Variants in MYO16 observed in about 807,000 individuals in gnomAD.
MYO16 encodes unconventional myosin-XVI.
Under a neutral mutation model 205.3 loss-of-function variants are expected in MYO16, and 94 were observed. The ratio of observed to expected loss-of-function variants is 0.46; its 90% CI spans 0.39 to 0.54. MYO16 has a LOEUF of 0.54. MYO16 is among the 20% of genes least tolerant of loss of function. The pLI is 0.00. For synonymous variants in MYO16, 988 were observed against 954.0 expected, an observed-to-expected ratio of 1.04 and a Z score of -0.66; for missense variants, 2,315 against 2,387.5, an observed-to-expected ratio of 0.97 and a Z score of 0.63.
chr13:108,787,748 G>A (rs1014614488), intron 5 of MYO16, among the ~76,000 whole-genome samples: 60 of 152,348 alleles, frequency 3.9e-4, no homozygotes, highest in African/African-American at 1.4e-3. Context: ...TTAAATACAT[G>A]TTTGCTGGAA....
intron 12 of MYO16, among the ~76,000 whole-genome samples, chr13:108,873,683 A>C (rs1402646452): frequency 2.3e-5 from 3 of 127,780 alleles, no homozygotes; most frequent in Non-Finnish European, 5.2e-5. Context: ...GTCCATGCCA[A>C]CCAACAGGAC....
intron 21 of MYO16, among the ~76,000 whole-genome samples, chr13:109,001,117 C>A (rs1256452467): frequency 6.7e-6 from 1 of 148,658 alleles, no homozygotes; most frequent in Non-Finnish European, 1.5e-5. Flanking sequence ...TTTAAAATAT[C>A]TAAGGAAGCC....
the MYO16 span, among the ~76,000 whole-genome samples, chr13:108,584,983 T>C: frequency 6.6e-6 from 1 of 152,196 alleles, no homozygotes; most frequent in Non-Finnish European, 1.5e-5. Flanking sequence ...AAAAGTGTAA[T>C]TTAGTTATGA....
chr13:108,766,565 A>T (rs975217533), intron 4 of MYO16, among the ~76,000 whole-genome samples: 1 of 152,168 alleles, frequency 6.6e-6, no homozygotes, highest in Non-Finnish European at 1.5e-5. Flanking sequence ...GACCCTTATA[A>T]AATCGCCTTC....
intron 16 of MYO16, among the ~76,000 whole-genome samples, chr13:108,919,495 C>T (rs1881647028): frequency 6.6e-6 from 1 of 152,238 alleles, no homozygotes; most frequent in East Asian, 1.9e-4. Flanking sequence ...TTGTCGTTAA[C>T]CGGTTCTTTG....
At chr13:108,884,730 G>A (rs575532465) in intron 13 of MYO16, among the ~76,000 whole-genome samples, 6 of 151,822 alleles carry the variant, frequency 4.0e-5, no homozygotes, top group East Asian at 2.0e-4. Flanking sequence ...TCTGAGACAC[G>A]GGCTCTCACC....
Position 109,207,261 on chromosome 13 carries a change from A to G in MYO16, c.*425A>G, listed in dbSNP as rs1033730063. On this transcript the variant is annotated 3_prime_UTR_variant, in exon 35 of 35. Transcript: ENST00000457511. ...TATTATAATACAGTATACGGGACAT[A>G]TATTTTATTTCTTTGTAGCTACTTG... 1.3e-5 allele frequency: 2 copies of G among 154,202 alleles called. No homozygotes were observed. The highest frequency in any genetic ancestry group is 4.8e-5 in the African/African-American group (2 of 41,486). The allele number at this position is 154,202 out of a possible 1,614,324, so 9.6% of individuals were successfully genotyped here.
chr13:108,844,642 A>T, intron 10 of MYO16, 149 bp downstream of exon 10: 1 of 800,244 alleles, frequency 1.2e-6, no homozygotes. Context: ...CAGTTTTCAT[A>T]AACAATTAGT....
upstream of MYO16, among the ~76,000 whole-genome samples, chr13:108,628,924 C>G (rs1185029769): frequency 2.0e-5 from 3 of 152,146 alleles, no homozygotes; most frequent in Non-Finnish European, 4.4e-5. Flanking sequence ...TTGTAAACAA[C>G]TTAAAATATA....
At chr13:108,579,395 A>G in the MYO16 span, among the ~76,000 whole-genome samples, 1 of 152,096 alleles carries the variant, frequency 6.6e-6, no homozygotes, top group Non-Finnish European at 1.5e-5. Context: ...TTAGGTCTGA[A>G]GGATTAATGC....
chr13:108,962,453 G>A lies in MYO16; in HGVS notation c.2185G>A (p.Glu729Lys). Residue 729 changes from glutamate to lysine, a missense_variant, in exon 19 of 35, where the codon GAA becomes AAA. Physicochemically the swap from Glu to Lys is moderately conservative, Grantham distance 56. Transcript: ENST00000457511. ...VAGMLQVSTD[E>K]LASALTTDIQ... ...TGGAATGTTACAAGTATCAACAGAT[G>A]AATTGGCATCTGCCTTAACAACTGA... is the stretch of plus-strand genomic sequence containing the variant. 6.2e-7 allele frequency: 1 copy of A among 1,600,420 alleles called. No homozygotes were observed.
At chr13:108,798,688 A>ATTTTTTTTTTTT (rs35432777) in intron 6 of MYO16, among the ~76,000 whole-genome samples, 1 of 70,350 alleles carries the variant, frequency 1.4e-5, no homozygotes, top group African/African-American at 6.0e-5. Context: ...CCCGAGGCTT[A>ATTTTTTTTTTTT]TTTTTTTTTT....
At chr13:108,653,616 T>C (rs1881109267) in intron 1 of MYO16, among the ~76,000 whole-genome samples, 1 of 152,036 alleles carries the variant, frequency 6.6e-6, no homozygotes, top group East Asian at 1.9e-4. Context: ...TTTGTTCTTT[T>C]ATTATTATTT....
intron 3 of MYO16, among the ~76,000 whole-genome samples, chr13:108,724,636 T>C (rs1182994632): frequency 6.6e-6 from 1 of 152,180 alleles, no homozygotes; most frequent in Admixed American, 6.5e-5. Context: ...TCTTTAGCGG[T>C]ATTACGCACG....
intron 14 of MYO16, among the ~76,000 whole-genome samples, chr13:108,889,798 A>G (rs761006748): frequency 6.6e-6 from 1 of 152,140 alleles, no homozygotes; most frequent in African/African-American, 2.4e-5. Flanking sequence ...CTGGATCCTA[A>G]TCTCCATACT....
intron 1 of MYO16, among the ~76,000 whole-genome samples, chr13:108,659,029 G>A (rs1053931203): frequency 1.3e-5 from 2 of 151,324 alleles, no homozygotes; most frequent in African/African-American, 2.4e-5. Flanking sequence ...GGGCATTTCC[G>A]GTAGTTGTAC....
At chr13:108,736,728 T>C (rs564584581) in intron 4 of MYO16, among the ~76,000 whole-genome samples, 2 of 152,300 alleles carry the variant, frequency 1.3e-5, no homozygotes, top group South Asian at 4.1e-4. Flanking sequence ...ATAAATTACC[T>C]TGGGCAGTAT....
At chr13:108,533,321 C>A in the MYO16 span, among the ~76,000 whole-genome samples, 1 of 152,126 alleles carries the variant, frequency 6.6e-6, no homozygotes, top group East Asian at 1.9e-4. Flanking sequence ...TGGGACCACA[C>A]CTGATAGTTT....
chr13:109,043,302 G>A (rs1886937746), intron 23 of MYO16, among the ~76,000 whole-genome samples: 1 of 152,116 alleles, frequency 6.6e-6, no homozygotes, highest in African/African-American at 2.4e-5. Context: ...TTTTACCAGG[G>A]AAGTTTGGAA....
Sources: gnomAD v4.1 joint callset for allele counts (sites outside exome capture counted in the v4.1 genomes callset) on GRCh38, gnomAD v4.1.1 for gene constraint, MANE v1.5 for transcripts, NCBI Gene and HGNC (gene_info 2026-07-23, HGNC 2026-07-21) for gene names.